Variants in MECOM observed in about 807,000 individuals in gnomAD.
MECOM encodes the protein MDS1 and EVI1 complex locus.
In MECOM, 13 loss-of-function variants were observed where a neutral mutation model predicts 116.3. The observed-to-expected ratio is 0.11, with a 90% CI of 0.07 to 0.18. MECOM has a LOEUF of 0.18. Ranked by LOEUF, MECOM falls within the 10% of genes least tolerant of loss-of-function variation. The pLI is 1.00. For missense variants in MECOM, 1,299 were observed against 1,509.0 expected (o/e 0.86, Z 2.31); for synonymous variants, 528 against 535.2 (o/e 0.99, Z 0.19).
chr3:169,119,641 A>C (rs1730330401), intron 7 of MECOM, among the ~76,000 whole-genome samples: 1 of 152,196 alleles, frequency 6.6e-6, no homozygotes, highest in Admixed American at 6.5e-5. Context: ...AACATAATAA[A>C]ACTTACCAAA....
intron 2 of MECOM, among the ~76,000 whole-genome samples, chr3:169,307,938 C>T (rs1718020551): frequency 6.6e-6 from 1 of 152,176 alleles, no homozygotes; most frequent in Admixed American, 6.5e-5. Flanking sequence ...GTGTTCTACT[C>T]CTCTCGCTTT....
Position 169,381,380 on chromosome 3 carries a change from C to G in MECOM, c.182G>C (p.Gly61Ala), listed in dbSNP as rs780382585. 1 of 1,613,780 alleles carries G rather than the reference C, an allele frequency of 6.2e-7. No individual in the cohort carries two copies. The highest frequency in any genetic ancestry group is 1.3e-5 in the African/African-American group (1 of 74,930). Residue 61 changes from glycine to alanine, a missense_variant, in exon 2 of 17, where the codon GGT becomes GCT. Coordinates refer to ENST00000651503, the MANE Select transcript of MECOM (RefSeq NM_004991.4). ...TSSEAFTPKE[G>A]SPYKAPIYIP... ...GTAGATGGGGGCTTTGTAAGGAGAA[C>G]CCTCCTTTGGAGTGAATGCTTCACT...
intron 1 of MECOM, among the ~76,000 whole-genome samples, chr3:169,501,606 C>A (rs1050531161): frequency 6.6e-6 from 1 of 152,034 alleles, no homozygotes; most frequent in African/African-American, 2.4e-5. Context: ...GCTCAACAAG[C>A]AAGTCTGCAA....
intron 1 of MECOM, among the ~76,000 whole-genome samples, chr3:169,382,844 C>A (rs1732633804): frequency 1.1e-5 from 1 of 89,426 alleles, no homozygotes; most frequent in Admixed American, 1.5e-4. Context: ...ACTGAAAGCC[C>A]ATCTCAAAAA....
At chr3:169,322,503 T>A (rs1042023802) in intron 2 of MECOM, among the ~76,000 whole-genome samples, 4 of 152,046 alleles carry the variant, frequency 2.6e-5, no homozygotes, top group Non-Finnish European at 5.9e-5. Flanking sequence ...ACATGAAAAC[T>A]TTTTTCCCAA....
intron 1 of MECOM, among the ~76,000 whole-genome samples, chr3:169,506,175 G>C (rs916027578): frequency 6.6e-6 from 1 of 152,210 alleles, no homozygotes; most frequent in African/African-American, 2.4e-5. Context: ...GAGACCACTG[G>C]TTTAATCAAC....
intron 1 of MECOM, among the ~76,000 whole-genome samples, chr3:169,573,906 C>T (rs941104400): frequency 3.9e-5 from 6 of 152,030 alleles, no homozygotes; most frequent in Admixed American, 2.0e-4. Context: ...ATTTTTTTAA[C>T]TCAAGAAAAA....
intron 1 of MECOM, among the ~76,000 whole-genome samples, chr3:169,456,293 C>T (rs1401330267): frequency 6.6e-6 from 1 of 152,076 alleles, no homozygotes; most frequent in Non-Finnish European, 1.5e-5. Flanking sequence ...TTGCATTGTA[C>T]AATATAGAGA....
At chr3:169,400,444 C>A (rs934825219) in intron 1 of MECOM, among the ~76,000 whole-genome samples, 1 of 152,118 alleles carries the variant, frequency 6.6e-6, no homozygotes, top group African/African-American at 2.4e-5. Context: ...TGAGAGCTGC[C>A]CTTTGGAAAT....
intron 2 of MECOM, among the ~76,000 whole-genome samples, chr3:169,311,479 C>T (rs1009127284): frequency 2.6e-5 from 4 of 152,132 alleles, no homozygotes; most frequent in African/African-American, 9.7e-5. Context: ...AAATGATTAG[C>T]TTGTAGTGCA....
intron 2 of MECOM, among the ~76,000 whole-genome samples, chr3:169,210,589 G>A (rs1290013486): frequency 6.6e-6 from 1 of 152,062 alleles, no homozygotes; most frequent in Non-Finnish European, 1.5e-5. Context: ...CTAATCAGAA[G>A]AAATAGAGAT....
intron 9 of MECOM, among the ~76,000 whole-genome samples, chr3:169,111,450 A>T (rs992268578): frequency 9.2e-5 from 14 of 152,184 alleles, no homozygotes; most frequent in Non-Finnish European, 1.6e-4. Flanking sequence ...AATATCTGAC[A>T]CAAAATATGT....
chr3:169,557,904 T>TGA (rs1762217608), intron 1 of MECOM, among the ~76,000 whole-genome samples: 2 of 152,232 alleles, frequency 1.3e-5, no homozygotes, highest in Non-Finnish European at 2.9e-5. Context: ...GGCTTTCAAT[T>TGA]AGCCAAATGT....
At chr3:169,347,167 T>C (rs1187741984) in intron 2 of MECOM, among the ~76,000 whole-genome samples, 5 of 152,118 alleles carry the variant, frequency 3.3e-5, no homozygotes, top group Non-Finnish European at 7.4e-5. Flanking sequence ...CATATATGCA[T>C]TTGCTTCTAC....
At position 169,523,979 on chromosome 3, in the gene MECOM, C is replaced by A. The variant is rs111586816; in HGVS notation, c.37+139357G>T. On this transcript the variant is annotated intron_variant, in intron 1 of 16. Transcript: ENST00000651503. ...ATATATACACACATATATACACGCA[C>A]ATACACATACATACCTGTATATGAA... Among the ~76,000 whole-genome samples, 1,051 of 147,108 alleles carry A rather than the reference C, an allele frequency of 7.1e-3. 16 individuals carry two copies. Among genetic ancestry groups the A allele is most frequent in the African/African-American group, 0.024 (975 of 40,388 alleles).
intron 1 of MECOM, among the ~76,000 whole-genome samples, chr3:169,449,857 C>T (rs1169932301): frequency 6.6e-6 from 1 of 152,166 alleles, no homozygotes; most frequent in Non-Finnish European, 1.5e-5. Flanking sequence ...AATTACAAAG[C>T]AGGTGTAAAC....
intron 2 of MECOM, among the ~76,000 whole-genome samples, chr3:169,326,000 TA>T (rs1272556484): frequency 6.6e-6 from 1 of 152,110 alleles, no homozygotes; most frequent in East Asian, 1.9e-4. Context: ...ATAAAAGGCT[TA>T]GAAGCCAGCC....
chr3:169,177,974 G>T (rs1412097515), intron 2 of MECOM, among the ~76,000 whole-genome samples: 1 of 151,802 alleles, frequency 6.6e-6, no homozygotes, highest in East Asian at 1.9e-4. Flanking sequence ...GTAGATATAC[G>T]CAAGATAAAA....
intron 1 of MECOM, among the ~76,000 whole-genome samples, chr3:169,415,852 C>T (rs918485575): frequency 1.6e-4 from 25 of 152,122 alleles, no homozygotes; most frequent in Non-Finnish European, 3.4e-4. Context: ...GCACCCAATA[C>T]AGGAGCAACG....
Sources: gnomAD v4.1 joint callset for allele counts (sites outside exome capture counted in the v4.1 genomes callset) on GRCh38, gnomAD v4.1.1 for gene constraint, MANE v1.5 for transcripts, NCBI Gene and HGNC (gene_info 2026-07-23, HGNC 2026-07-21) for gene names.